Variants in MSH3 observed in about 807,000 individuals in gnomAD.
The protein encoded by MSH3 is DNA mismatch repair protein Msh3.
Under a neutral mutation model 123.3 loss-of-function variants are expected in MSH3, and 106 were observed. The observed-to-expected ratio is 0.86, with a 90% confidence interval of 0.73 to 1.01. The LOEUF (loss-of-function observed/expected upper bound fraction) is 1.01. MSH3 is among the 50% of genes least tolerant of loss of function. The pLI is 0.00. For synonymous variants in MSH3, 515 were observed against 481.4 expected (o/e 1.07, Z -0.91); for missense variants, 1,459 against 1,347.6 (o/e 1.08, Z -1.29).
chr5:80,762,400 TAAG>T (rs1242819629), intron 13 of MSH3, among the ~76,000 whole-genome samples: 5 of 152,014 alleles, frequency 3.3e-5, no homozygotes, highest in African/African-American at 1.2e-4. Flanking sequence ...TTCTTACTAA[TAAG>T]AAATTATATC....
In MSH3 at chr5:80,692,011, A is replaced by ATATGTTTAGATAAACAG. The variant is rs1750278842; in HGVS notation, c.1340+12930_1340+12931insAACAGTATGTTTAGATA. On this transcript the variant is annotated intron_variant, in intron 8 of 23. Coordinates refer to ENST00000265081, the MANE Select transcript of MSH3 (RefSeq NM_002439.5). ...TATATGTTTAGATAGATAAACATGT[A>ATATGTTTAGATAAACAG]TATGTTTAGATAGATAAACAGTATG... Among the ~76,000 whole-genome samples, 2 of 96,908 alleles carry ATATGTTTAGATAAACAG rather than the reference A, an allele frequency of 2.1e-5. 1 individual carries two copies. The highest frequency in any genetic ancestry group is 6.4e-4 in the South Asian group (2 of 3,120). 63.6% of individuals were successfully genotyped at this position (96,908 alleles called of 152,430 possible).
At chr5:80,674,178 T>C (rs1749781870) in intron 6 of MSH3, among the ~76,000 whole-genome samples, 2 of 152,230 alleles carry the variant, frequency 1.3e-5, no homozygotes, top group African/African-American at 4.8e-5. Flanking sequence ...CCATTTCTAG[T>C]ACAGTCCCCC....
Position 80,819,398 on chromosome 5 carries a change from GTATATA to G in MSH3, c.2813+5659_2813+5664del, listed in dbSNP as rs1266116917. Among the ~76,000 whole-genome samples the G allele has an allele frequency of 2.1e-4, 31 of 148,748 alleles. No individual in the cohort carries two copies. In the East Asian group the frequency reaches 5.1e-3, roughly 24 times the overall value. On this transcript the variant is annotated intron_variant, in intron 20 of 23. Coordinates refer to ENST00000265081, the MANE Select transcript of MSH3 (RefSeq NM_002439.5). ...TATATGTGTATATATGTATATATGT[GTATATA>G]TGTGTGTATATATGTATATATGTGT...
At chr5:80,762,967 CT>C (rs1310363482) in intron 13 of MSH3, among the ~76,000 whole-genome samples, 2 of 151,890 alleles carry the variant, frequency 1.3e-5, no homozygotes, top group Non-Finnish European at 1.5e-5. Context: ...CTGTCTCAGC[CT>C]CCTGAGTAGC....
intron 8 of MSH3, among the ~76,000 whole-genome samples, chr5:80,720,370 C>T (rs551149856): frequency 6.0e-4 from 91 of 152,272 alleles, no homozygotes; most frequent in African/African-American, 2.1e-3. Flanking sequence ...CTTTTATACA[C>T]GTTTTAGGTC....
At chr5:80,735,289 C>T (rs2037905833) in intron 10 of MSH3, among the ~76,000 whole-genome samples, 1 of 147,240 alleles carries the variant, frequency 6.8e-6, no homozygotes, top group African/African-American at 2.5e-5. Flanking sequence ...GAGGCTGAGG[C>T]AGGAGAATGG....
chr5:80,859,686 G>A (rs1356855777), intron 21 of MSH3, among the ~76,000 whole-genome samples: 1 of 147,414 alleles, frequency 6.8e-6, no homozygotes, highest in Non-Finnish European at 1.5e-5. Flanking sequence ...TTTTAACTGA[G>A]TATTTTATAT....
chr5:80,797,515 A>G (rs1313888106), intron 19 of MSH3, among the ~76,000 whole-genome samples: 5 of 152,196 alleles, frequency 3.3e-5, no homozygotes. Flanking sequence ...GAATAATTTT[A>G]CTGTCAAACT....
chr5:80,681,072 T>C (rs893655565), intron 8 of MSH3, among the ~76,000 whole-genome samples: 1 of 152,144 alleles, frequency 6.6e-6, no homozygotes, highest in Non-Finnish European at 1.5e-5. Flanking sequence ...TTTATACTTC[T>C]ACCAGTATAG....
Position 80,864,821 on chromosome 5 carries a change from C to T in MSH3, c.3009C>T (p.Ser1003=), listed in dbSNP as rs747106832. 106 of 1,611,268 alleles carry T rather than the reference C, an allele frequency of 6.6e-5. 1 individual carries two copies. In the South Asian group the frequency reaches 1.1e-3, roughly 17 times the overall value. The part of the protein sequence containing the change: ...TLEYFIRDVK[S]LTLFVTHYPP... ...CTGTCTTATTGCTTTAGGTGAAATCCTTAACCCTGTTTGTCACCCATTATC... is the reference window on the plus strand; with the variant it reads ...CTGTCTTATTGCTTTAGGTGAAATCTTTAACCCTGTTTGTCACCCATTATC... Residue 1003 remains serine (S), a synonymous_variant, in exon 22 of 24, where the codon TCC becomes TCT. Coordinates refer to ENST00000265081, the MANE Select transcript of MSH3 (RefSeq NM_002439.5).
intron 20 of MSH3, among the ~76,000 whole-genome samples, chr5:80,837,729 CAGCTTG>C (rs908141015): frequency 1.3e-5 from 2 of 152,138 alleles, no homozygotes; most frequent in Non-Finnish European, 2.9e-5. Flanking sequence ...ACAAATTTAG[CAGCTTG>C]AGCAACACAC....
chr5:80,686,997 T>C (rs1394176758), intron 8 of MSH3, among the ~76,000 whole-genome samples: 2 of 152,214 alleles, frequency 1.3e-5, no homozygotes, highest in African/African-American at 4.8e-5. Flanking sequence ...TGTGAATTAC[T>C]GTTTAATGGT....
intron 8 of MSH3, among the ~76,000 whole-genome samples, chr5:80,708,262 T>A (rs1038211435): frequency 6.6e-6 from 1 of 152,098 alleles, no homozygotes; most frequent in African/African-American, 2.4e-5. Context: ...AGTTCTATAG[T>A]TTTAGCTTTT....
chr5:80,875,812 T>C lies in MSH3; in HGVS notation c.3364T>C (p.Trp1122Arg), dbSNP rs1037707651. 18 of 1,613,796 alleles carry C rather than the reference T, an allele frequency of 1.1e-5. No individual in the cohort carries two copies. The African/African-American group carries it at 2.3e-4, about 20-fold the overall frequency. ...TMHNAQDLQK[W>R]TEEFNMEETQ... Reference sequence around the variant, plus strand: ...GCATAATGCACAAGACCTGCAGAAGTGGACAGAGGAGTTCAACATGGAAGA... The same window carrying C: ...GCATAATGCACAAGACCTGCAGAAGCGGACAGAGGAGTTCAACATGGAAGA... The change falls in exon 24 of 24, where the codon TGG (tryptophan) becomes CGG (arginine). Residue 1122 changes from tryptophan (W) to arginine (R), a missense_variant. Coordinates refer to ENST00000265081, the MANE Select transcript of MSH3 (RefSeq NM_002439.5).
At chr5:80,674,244 T>C (rs945195482) in intron 6 of MSH3, among the ~76,000 whole-genome samples, 1 of 152,202 alleles carries the variant, frequency 6.6e-6, no homozygotes, top group African/African-American at 2.4e-5. Flanking sequence ...TCCAAAGATA[T>C]GTCCAGACTT....
intron 20 of MSH3, among the ~76,000 whole-genome samples, chr5:80,822,919 G>A (rs1044009891): frequency 2.6e-5 from 4 of 152,188 alleles, no homozygotes; most frequent in African/African-American, 9.7e-5. Flanking sequence ...CTGTGTGAAA[G>A]AACAACCACC....
chr5:80,823,414 G>C (rs760707752), intron 20 of MSH3, among the ~76,000 whole-genome samples: 14 of 152,016 alleles, frequency 9.2e-5, no homozygotes, highest in Non-Finnish European at 1.8e-4. Flanking sequence ...TGGAATTTGG[G>C]GTTTTAAGCT....
intron 8 of MSH3, among the ~76,000 whole-genome samples, chr5:80,717,140 G>A (rs1303019981): frequency 2.0e-5 from 3 of 152,148 alleles, no homozygotes; most frequent in African/African-American, 7.2e-5. Flanking sequence ...TCCATAACTT[G>A]GCTGTTGAGA....
At chr5:80,845,565 C>G (rs1745705801) in intron 20 of MSH3, among the ~76,000 whole-genome samples, 1 of 152,218 alleles carries the variant, frequency 6.6e-6, no homozygotes, top group African/African-American at 2.4e-5. Context: ...GGTCTTTTCA[C>G]ATAGTCCCAT....
Sources: gnomAD v4.1 joint callset for allele counts (sites outside exome capture counted in the v4.1 genomes callset) on GRCh38, gnomAD v4.1.1 for gene constraint, MANE v1.5 for transcripts, NCBI Gene and HGNC (gene_info 2026-07-23, HGNC 2026-07-21) for gene names.